Variants in PABPN1L observed in about 807,000 individuals in gnomAD.
The protein encoded by PABPN1L is PABPN1 like, cytoplasmic, also known as embryonic polyadenylate-binding protein 2.
Under a neutral mutation model 34.0 loss-of-function variants are expected in PABPN1L, and 45 were observed. That is an observed-to-expected ratio of 1.32 (90% CI 1.04 to 1.70). PABPN1L has a LOEUF of 1.70. Ranked by LOEUF, PABPN1L falls within the 40% of genes most tolerant of loss-of-function variation. The pLI, the probability that PABPN1L is intolerant of heterozygous loss-of-function variation, is 0.00. For synonymous variants in PABPN1L, 182 were observed against 152.1 expected (o/e 1.20, Z -1.45); for missense variants, 459 against 367.8 (o/e 1.25, Z -2.03).
At chr16:88,866,032 C>G (rs867615377) in intron 1 of PABPN1L, 91 bp from the exon 2 acceptor site, 2 of 1,463,234 alleles carry the variant, frequency 1.4e-6, no homozygotes, top group Admixed American at 2.4e-5. Flanking sequence ...AGCAGAGGGT[C>G]ACAGCCCCAA....
chr16:88,866,291 C>G, intron 1 of PABPN1L, 61 bp downstream of exon 1: 1 of 1,509,522 alleles, frequency 6.6e-7, no homozygotes, highest in Non-Finnish European at 8.9e-7. Flanking sequence ...GACCCCGTGT[C>G]TCCACCAGCC....
At chr16:88,869,058 T>C (rs976824860), upstream of PABPN1L, among the ~76,000 whole-genome samples, 1 of 152,226 alleles carries the variant, frequency 6.6e-6, no homozygotes, top group African/African-American at 2.4e-5. Context: ...CACAGGCTTC[T>C]TCATCTTCGT....
chr16:88,867,921 C>G (rs1342420214), upstream of PABPN1L, among the ~76,000 whole-genome samples: 1 of 152,204 alleles, frequency 6.6e-6, no homozygotes, highest in African/African-American at 2.4e-5. Flanking sequence ...CAGCTCCTAC[C>G]CCCAGGCCGA....
chr16:88,865,613 T>C (rs1362656420), exon 3 of PABPN1L: 1 of 1,609,562 alleles, frequency 6.2e-7, no homozygotes, highest in Admixed American at 1.7e-5. Context: ...TCCTCGGGGG[T>C]CCCAGAGAGG....
rs191837779 is a variant in PABPN1L at position 88,865,670 on chromosome 16, C to T, written c.392-40G>A. ...GCTCAGGCCCGCAGGCCCTTGGTTC[C>T]TTCCTCACTCCTCTCACGGGGAAGG... On this transcript the variant is annotated intron_variant, in intron 2 of 6. Transcript: ENST00000419291. 2.7e-4 allele frequency: 420 copies of T among 1,574,438 alleles called. No homozygotes were observed. The African/African-American group carries it at 5.2e-3, about 20-fold the overall frequency.
chr16:88,864,122 C>T, intron 6 of PABPN1L, 115 bp downstream of exon 6: 1 of 1,360,044 alleles, frequency 7.4e-7, no homozygotes. Flanking sequence ...CACCCAGGCC[C>T]CGCCAGGTAC....
At chr16:88,864,200 C>T (rs1356104912) in intron 6 of PABPN1L, 37 bp downstream of exon 6, 28 of 1,536,324 alleles carry the variant, frequency 1.8e-5, no homozygotes, top group Admixed American at 9.8e-5. Flanking sequence ...CCACCATGGC[C>T]CTCGCCCCCA....
intron 3 of PABPN1L, 108 bp from the exon 4 acceptor site, chr16:88,865,236 A>G (rs954717288): frequency 8.2e-7 from 1 of 1,219,646 alleles, no homozygotes. Context: ...CGTGGCGGGG[A>G]TGGCCCCAGG....
upstream of PABPN1L, among the ~76,000 whole-genome samples, chr16:88,869,991 G>A (rs992751795): frequency 3.3e-5 from 5 of 152,334 alleles, no homozygotes; most frequent in East Asian, 3.9e-4. Context: ...GACAGGATCC[G>A]TGTGTGACCC....
upstream of PABPN1L, among the ~76,000 whole-genome samples, chr16:88,868,410 C>T (rs547178080): frequency 6.6e-6 from 1 of 152,080 alleles, no homozygotes; most frequent in South Asian, 2.1e-4. Flanking sequence ...CAAAACCAGC[C>T]TGGCCAACAT....
chr16:88,864,453 C>A, intron 5 of PABPN1L, 74 bp from the exon 6 acceptor site: 1 of 1,483,932 alleles, frequency 6.7e-7, no homozygotes, highest in East Asian at 2.5e-5. Flanking sequence ...GCAGCCCCCA[C>A]CACCCCGGAG....
chr16:88,866,474 C>T, exon 1 of PABPN1L: 2 of 1,551,512 alleles, frequency 1.3e-6, no homozygotes, highest in South Asian at 2.4e-5. Context: ...TTCCCTTCCC[C>T]ACCCTCTGGC....
At position 88,865,147 on chromosome 16, in the gene PABPN1L, C is replaced by T. The variant is rs1195465136; in HGVS notation, c.460-19G>A. On this transcript the variant is annotated intron_variant, in intron 3 of 6. Coordinates refer to ENST00000419291, the Ensembl canonical transcript of PABPN1L. ...AGTCCACCTGCACCCAGGCCCAGAC[C>T]AGCATGTGAGGGAGACGCCTGGCCC... 2 of 1,557,010 alleles carry T rather than the reference C, an allele frequency of 1.3e-6. No homozygotes were observed. Among genetic ancestry groups the T allele is most frequent in the Non-Finnish European group, 1.7e-6 (2 of 1,150,932 alleles).
upstream of PABPN1L, among the ~76,000 whole-genome samples, chr16:88,868,135 G>C (rs889240431): frequency 3.3e-5 from 5 of 152,200 alleles, no homozygotes; most frequent in African/African-American, 9.7e-5. Flanking sequence ...GGCTGCCACA[G>C]CCTGGGAACC....
At chr16:88,864,575 G>T (rs1413979355) in intron 5 of PABPN1L, among the ~76,000 whole-genome samples, 196 bp from the exon 6 acceptor site, 1 of 131,492 alleles carries the variant, frequency 7.6e-6, no homozygotes, top group East Asian at 2.5e-4. Flanking sequence ...TGCAGAGGGG[G>T]GGGTCACGGC....
upstream of PABPN1L, among the ~76,000 whole-genome samples, chr16:88,869,427 C>A (rs1337336074): frequency 6.6e-6 from 1 of 152,276 alleles, no homozygotes; most frequent in Non-Finnish European, 1.5e-5. Context: ...CGGGCTGCTC[C>A]TCCTCCCTCG....
upstream of PABPN1L, among the ~76,000 whole-genome samples, chr16:88,869,282 T>C (rs568476328): frequency 6.6e-6 from 1 of 152,342 alleles, no homozygotes; most frequent in South Asian, 2.1e-4. Flanking sequence ...GAATGGGCCT[T>C]GTCTGGAACC....
At chr16:88,866,529 C>T (rs1259964161) in exon 1 of PABPN1L, 2 of 1,551,134 alleles carry the variant, frequency 1.3e-6, no homozygotes, top group African/African-American at 1.4e-5. Flanking sequence ...AGCCCTGGGC[C>T]TCAGGGTCTG....
rs1462482842 is a variant in PABPN1L, at chr16:88,864,232, C to G, written c.797+5G>C. ...CCCAGGCTGCCCCCACAGGCACCCA[C>G]TCACCGGTTCTGCCCTTGTGGTCTG... On this transcript the variant is annotated splice_donor_5th_base_variant and intron_variant, in intron 6 of 6. Transcript: ENST00000419291. The G allele has an allele frequency of 3.3e-6, 5 of 1,527,984 alleles. No homozygotes were observed. The African/African-American group carries it at 8.0e-5, about 24-fold the overall frequency. The allele number at this position is 1,527,984 out of a possible 1,614,324, so 94.7% of individuals were successfully genotyped here.
Sources: gnomAD v4.1 joint callset for allele counts (sites outside exome capture counted in the v4.1 genomes callset) on GRCh38, gnomAD v4.1.1 for gene constraint, MANE v1.5 for transcripts, NCBI Gene and HGNC (gene_info 2026-07-23, HGNC 2026-07-21) for gene names.